Variants in SND1 observed in about 807,000 individuals in gnomAD.
SND1 encodes the protein staphylococcal nuclease and tudor domain containing 1.
Under a neutral mutation model 121.7 loss-of-function variants are expected in SND1, and 38 were observed. That is an observed-to-expected ratio of 0.31 (90% CI 0.24 to 0.41). The LOEUF (loss-of-function observed/expected upper bound fraction) is 0.41, where lower values mean the gene tolerates loss of function less well. Ranked by LOEUF, SND1 falls within the 10% of genes least tolerant of loss-of-function variation. SND1 has a pLI of 1.00. For synonymous variants in SND1, 401 were observed against 447.4 expected (o/e 0.90, Z 1.31); for missense variants, 868 against 1,184.6 (o/e 0.73, Z 3.92).
intron 12 of SND1, among the ~76,000 whole-genome samples, chr7:127,855,812 C>A (rs1485887498): frequency 6.6e-6 from 1 of 152,172 alleles, no homozygotes. Flanking sequence ...TCTTTTTCTT[C>A]ATCACACTCC....
chr7:127,861,095 T>C (rs1335832125), intron 12 of SND1, among the ~76,000 whole-genome samples: 3 of 152,218 alleles, frequency 2.0e-5, no homozygotes, highest in Non-Finnish European at 2.9e-5. Context: ...ACTCTAGCTG[T>C]TTTCTTTCAC....
At chr7:128,003,239 A>T (rs1264120967) in intron 16 of SND1, among the ~76,000 whole-genome samples, 4 of 152,146 alleles carry the variant, frequency 2.6e-5, no homozygotes, top group Non-Finnish European at 5.9e-5. Context: ...AAAATGAAAA[A>T]GAAAAATCTA....
chr7:128,058,992 C>T (rs916331702), intron 16 of SND1, among the ~76,000 whole-genome samples: 1 of 152,158 alleles, frequency 6.6e-6, no homozygotes, highest in Non-Finnish European at 1.5e-5. Flanking sequence ...TTCTGTTCTC[C>T]CCGTCATCCC....
chr7:128,031,948 A>G (rs1329129437), intron 16 of SND1: 2 of 150,468 alleles, frequency 1.3e-5, no homozygotes, highest in South Asian at 2.1e-4. Context: ...TCCGGAGCCC[A>G]GGAACATAGT....
chr7:127,875,991 T>A (rs1799682248), intron 12 of SND1, among the ~76,000 whole-genome samples: 1 of 152,084 alleles, frequency 6.6e-6, no homozygotes, highest in Non-Finnish European at 1.5e-5. Context: ...ATAATAATAG[T>A]CCCTATCTCA....
At chr7:128,072,827 C>T (rs961578082) in intron 16 of SND1, among the ~76,000 whole-genome samples, 2 of 152,208 alleles carry the variant, frequency 1.3e-5, no homozygotes, top group African/African-American at 2.4e-5. Context: ...GAAACCTGAG[C>T]AACCTCAGAT....
chr7:128,055,013 T>A (rs1254164625), intron 16 of SND1, among the ~76,000 whole-genome samples: 5 of 152,230 alleles, frequency 3.3e-5, no homozygotes, highest in African/African-American at 1.2e-4. Flanking sequence ...ATCTGCCCGA[T>A]CTATTGGCCT....
At chr7:127,666,765 T>G (rs1375922463) in intron 1 of SND1, among the ~76,000 whole-genome samples, 2 of 152,214 alleles carry the variant, frequency 1.3e-5, no homozygotes, top group African/African-American at 4.8e-5. Context: ...AGCTGCCTGT[T>G]AAATATCTTG....
intron 16 of SND1, among the ~76,000 whole-genome samples, chr7:128,010,746 G>A (rs1803096497): frequency 6.6e-6 from 1 of 152,232 alleles, no homozygotes; most frequent in African/African-American, 2.4e-5. Flanking sequence ...TAAAGCAAGA[G>A]GGGTTTTGTA....
chr7:128,086,758 G>C (rs1451561578), intron 20 of SND1, 180 bp from the exon 21 acceptor site: 1 of 641,132 alleles, frequency 1.6e-6, no homozygotes, highest in Admixed American at 2.2e-5. Context: ...AGCAGGGCAC[G>C]TTCTCTCCAG....
chr7:127,748,240 C>T (rs1797015634), intron 10 of SND1, among the ~76,000 whole-genome samples: 1 of 152,186 alleles, frequency 6.6e-6, no homozygotes, highest in Non-Finnish European at 1.5e-5. Flanking sequence ...CAGCTTGTTT[C>T]CTGCCTTTTG....
chr7:127,939,809 G>A (rs1801151298), intron 15 of SND1, among the ~76,000 whole-genome samples: 1 of 152,176 alleles, frequency 6.6e-6, no homozygotes, highest in South Asian at 2.1e-4. Context: ...TAGATGATAG[G>A]CCTGTGGATT....
chr7:127,926,470 T>C (rs764766448), intron 14 of SND1, among the ~76,000 whole-genome samples: 7 of 152,024 alleles, frequency 4.6e-5, no homozygotes, highest in Non-Finnish European at 1.0e-4. Context: ...GTTCTTACCT[T>C]ATAATTTTTA....
At chr7:127,792,234 C>T (rs1055627859) in intron 10 of SND1, among the ~76,000 whole-genome samples, 6 of 152,084 alleles carry the variant, frequency 3.9e-5, no homozygotes, top group Non-Finnish European at 7.3e-5. Context: ...CATATCTGCA[C>T]AGTGGAGGTG....
chr7:127,722,342 A>T (rs979077199), intron 10 of SND1, among the ~76,000 whole-genome samples: 34 of 139,038 alleles, frequency 2.4e-4, no homozygotes, highest in Non-Finnish European at 4.0e-4. Flanking sequence ...GGGTCTTGTT[A>T]TGTTGCCCAC....
chr7:127,938,910 G>A (rs1157154655), intron 15 of SND1, among the ~76,000 whole-genome samples: 1 of 151,970 alleles, frequency 6.6e-6, no homozygotes, highest in Non-Finnish European at 1.5e-5. Context: ...ATATTCAGTG[G>A]GCACAATGCT....
In SND1 at chr7:127,979,587, T is replaced by C. The variant is rs546135353; in HGVS notation, c.1670-11360T>C. On this transcript the variant is annotated intron_variant, in intron 15 of 23. Coordinates refer to ENST00000354725, the MANE Select transcript of SND1 (RefSeq NM_014390.4). ...GGATGACTAAGATCAGAGCAGGTGA[T>C]AGAGGCTAGGAGGGGGTTGTTTACT... is the stretch of plus-strand genomic sequence containing the variant. 1.2e-4 allele frequency among the ~76,000 whole-genome samples: 18 copies of C among 152,196 alleles called. No individual in the cohort carries two copies. In the East Asian group the frequency reaches 2.3e-3, roughly 20 times the overall value.
intron 9 of SND1, among the ~76,000 whole-genome samples, chr7:127,719,200 A>G (rs1295840461): frequency 6.6e-6 from 1 of 152,174 alleles, no homozygotes; most frequent in Admixed American, 6.5e-5. Flanking sequence ...ATTTTGAAGG[A>G]CCAGGAAATC....
chr7:127,699,077 A>G (rs1796057401), intron 4 of SND1, 124 bp downstream of exon 4: 1 of 722,274 alleles, frequency 1.4e-6, no homozygotes. Context: ...ATTCTTGCCC[A>G]GGTATGGATT....
Sources: allele counts gnomAD v4.1 joint callset (sites outside exome capture counted in the v4.1 genomes callset), GRCh38; gene constraint gnomAD v4.1.1; transcripts MANE v1.5; gene names NCBI Gene and HGNC (gene_info 2026-07-23, HGNC 2026-07-21).